CNTNAP2: variants seen among roughly 807,000 people sequenced by gnomAD.
CNTNAP2 encodes contactin associated protein 2, also known as contactin-associated protein-like 2.
In CNTNAP2, 98 loss-of-function variants were observed where a neutral mutation model predicts 155.2. The observed-to-expected ratio is 0.63, with a 90% CI of 0.54 to 0.75. The LOEUF is 0.75. Among genes scored for constraint, CNTNAP2 ranks in the 30% least tolerant of loss-of-function variants. CNTNAP2 has a pLI of 0.00. For synonymous variants in CNTNAP2, 651 were observed against 631.2 expected (o/e 1.03, Z -0.47); for missense variants, 1,727 against 1,688.1 (o/e 1.02, Z -0.40).
chr7:147,204,154 A>G (rs1802974303), intron 8 of CNTNAP2, among the ~76,000 whole-genome samples: 1 of 151,988 alleles, frequency 6.6e-6, no homozygotes, highest in Non-Finnish European at 1.5e-5. Context: ...AGGATGATAT[A>G]GATTATTCTG....
At chr7:146,541,653 C>T (rs1797955066) in intron 1 of CNTNAP2, among the ~76,000 whole-genome samples, 2 of 151,850 alleles carry the variant, frequency 1.3e-5, no homozygotes, top group African/African-American at 4.8e-5. Context: ...TATTAAACAG[C>T]AAAACACAGA....
At chr7:148,005,682 C>T (rs1013729499) in intron 15 of CNTNAP2, among the ~76,000 whole-genome samples, 2 of 152,032 alleles carry the variant, frequency 1.3e-5, no homozygotes, top group Admixed American at 1.3e-4. Flanking sequence ...CCTCCAAAAG[C>T]TCAATCTTAT....
intron 1 of CNTNAP2, among the ~76,000 whole-genome samples, chr7:146,663,277 C>CAAA (rs543257224): frequency 9.4e-4 from 31 of 33,142 alleles, no homozygotes; most frequent in African/African-American, 2.0e-3. Flanking sequence ...AACTCCATCT[C>CAAA]AAAAAAAAAA....
chr7:148,153,574 G>A (rs993090702), intron 17 of CNTNAP2, among the ~76,000 whole-genome samples: 4 of 152,144 alleles, frequency 2.6e-5, no homozygotes, highest in African/African-American at 7.2e-5. Flanking sequence ...CCAGGTGTTC[G>A]GACCTGGGCT....
At chr7:146,403,931 C>A (rs923917158) in intron 1 of CNTNAP2, among the ~76,000 whole-genome samples, 10 of 151,360 alleles carry the variant, frequency 6.6e-5, no homozygotes, top group Admixed American at 2.0e-4. Context: ...CGAGACCATC[C>A]CGGCTAAAAC....
chr7:147,540,172 G>A (rs1216600664), intron 11 of CNTNAP2, among the ~76,000 whole-genome samples: 2 of 152,072 alleles, frequency 1.3e-5, no homozygotes, highest in African/African-American at 2.4e-5. Context: ...GTCCCTGATT[G>A]TCTGCAGTCT....
chr7:147,685,372 A>C (rs748945121), intron 13 of CNTNAP2, among the ~76,000 whole-genome samples: 12 of 152,030 alleles, frequency 7.9e-5, no homozygotes, highest in Non-Finnish European at 1.3e-4. Flanking sequence ...GGTTTCCAAG[A>C]GAAACAAGAT....
At chr7:147,794,782 C>T (rs851689) in intron 13 of CNTNAP2, among the ~76,000 whole-genome samples, 43,455 of 151,020 alleles carry the variant, frequency 0.29, 6,942 homozygotes, top group African/African-American at 0.42. Flanking sequence ...TGTTAAAGGC[C>T]GTTAATATAT....
intron 10 of CNTNAP2, among the ~76,000 whole-genome samples, chr7:147,446,241 T>C: frequency 6.6e-6 from 1 of 151,876 alleles, no homozygotes; most frequent in Non-Finnish European, 1.5e-5. Flanking sequence ...CTATCATGTT[T>C]TGTTTCCTAG....
At chr7:146,223,538 T>C (rs1334639219) in intron 1 of CNTNAP2, among the ~76,000 whole-genome samples, 1 of 152,004 alleles carries the variant, frequency 6.6e-6, no homozygotes, top group Admixed American at 6.5e-5. Context: ...GAATGAGGAG[T>C]TTGATTTCCT....
At chr7:146,957,630 G>A (rs1270135257) in intron 3 of CNTNAP2, among the ~76,000 whole-genome samples, 2 of 152,128 alleles carry the variant, frequency 1.3e-5, no homozygotes, top group African/African-American at 4.8e-5. Flanking sequence ...TAGAAACAAT[G>A]GCAGTCTTGG....
intron 18 of CNTNAP2, among the ~76,000 whole-genome samples, chr7:148,189,108 TC>T (rs768866136): frequency 2.6e-5 from 4 of 152,230 alleles, no homozygotes; most frequent in African/African-American, 4.8e-5. Context: ...AGTAAGATTT[TC>T]TAAACACAGT....
At chr7:147,464,151 A>T (rs1188489808) in intron 10 of CNTNAP2, among the ~76,000 whole-genome samples, 1 of 152,010 alleles carries the variant, frequency 6.6e-6, no homozygotes, top group Non-Finnish European at 1.5e-5. Context: ...CTCCACTGTA[A>T]CTTATGACAA....
chr7:147,910,026 A>G (rs1388862111), intron 14 of CNTNAP2, among the ~76,000 whole-genome samples: 1 of 152,198 alleles, frequency 6.6e-6, no homozygotes, highest in Non-Finnish European at 1.5e-5. Context: ...AAAATAATCC[A>G]TGACCAACTT....
intron 1 of CNTNAP2, among the ~76,000 whole-genome samples, chr7:146,582,746 A>G (rs1308380548): frequency 2.0e-5 from 3 of 152,248 alleles, no homozygotes; most frequent in Non-Finnish European, 4.4e-5. Flanking sequence ...TTCACCTAGT[A>G]TATTTAGGTT....
At position 146,218,291 on chromosome 7, in the gene CNTNAP2, C is replaced by T. The variant is rs1409094562; in HGVS notation, c.97+101318C>T. ...TTGGGAGGCCGAGGCGGGCAGATCA[C>T]GAGGTCAGGAGATGGAGACCATCCT... On this transcript the variant is annotated intron_variant, in intron 1 of 23. Transcript: ENST00000361727. 4.6e-5 allele frequency among the ~76,000 whole-genome samples: 7 copies of T among 152,138 alleles called. 1 individual carries two copies. Among genetic ancestry groups the T allele is most frequent in the South Asian group, 2.1e-4 (1 of 4,828 alleles).
chr7:147,081,920 T>G (rs1248929006), intron 4 of CNTNAP2: 1 of 152,202 alleles, frequency 6.6e-6, no homozygotes, highest in Non-Finnish European at 1.5e-5. Context: ...ACGATTTGTA[T>G]GCTGGTGCTC....
At chr7:146,330,584 T>C (rs1801168950) in intron 1 of CNTNAP2, among the ~76,000 whole-genome samples, 1 of 152,176 alleles carries the variant, frequency 6.6e-6, no homozygotes, top group South Asian at 2.1e-4. Context: ...TTTAAAGTGC[T>C]CAAGAAAAGC....
intron 1 of CNTNAP2, among the ~76,000 whole-genome samples, chr7:146,570,991 T>C (rs1362749596): frequency 6.6e-6 from 1 of 152,124 alleles, no homozygotes; most frequent in Non-Finnish European, 1.5e-5. Context: ...ATAAATCTAG[T>C]GATGTTTCCA....
Sources: allele counts gnomAD v4.1 joint callset (sites outside exome capture counted in the v4.1 genomes callset), GRCh38; gene constraint gnomAD v4.1.1; transcripts MANE v1.5; gene names NCBI Gene and HGNC (gene_info 2026-07-23, HGNC 2026-07-21).